Variants in ZNF385B observed in about 807,000 individuals in gnomAD.
ZNF385B encodes zinc finger protein 385B, also known as zinc finger protein 533.
ZNF385B carries 23 observed loss-of-function variants against 39.2 expected under a neutral mutation model. The observed-to-expected ratio is 0.59, with a 90% CI of 0.42 to 0.83. The LOEUF is 0.83. Ranked by LOEUF, ZNF385B falls within the 40% of genes least tolerant of loss-of-function variation. The pLI is 0.00. For synonymous variants in ZNF385B, 205 were observed against 222.6 expected, an observed-to-expected ratio of 0.92 and a Z score of 0.70; for missense variants, 552 against 598.9, an observed-to-expected ratio of 0.92 and a Z score of 0.82.
intron 5 of ZNF385B, among the ~76,000 whole-genome samples, chr2:179,508,511 C>A (rs572497886): frequency 1.1e-3 from 173 of 152,090 alleles, no homozygotes; most frequent in Non-Finnish European, 1.7e-3. Context: ...AAAATCCTTC[C>A]AGGAATCTTT....
intron 6 of ZNF385B, among the ~76,000 whole-genome samples, chr2:179,457,940 G>C (rs2050881490): frequency 6.6e-6 from 1 of 152,202 alleles, no homozygotes; most frequent in African/African-American, 2.4e-5. Flanking sequence ...ATAAATGATA[G>C]AGCATGGATT....
intron 5 of ZNF385B, among the ~76,000 whole-genome samples, chr2:179,490,891 C>T (rs981398553): frequency 3.9e-5 from 6 of 152,138 alleles, no homozygotes; most frequent in Non-Finnish European, 8.8e-5. Context: ...GAACACAAAT[C>T]TTTCCATTTG....
At chr2:179,785,952 T>A (rs1704970490) in intron 1 of ZNF385B, among the ~76,000 whole-genome samples, 1 of 152,142 alleles carries the variant, frequency 6.6e-6, no homozygotes, top group African/African-American at 2.4e-5. Context: ...AGAGAAATCT[T>A]TTGTGAAAGA....
intron 6 of ZNF385B, among the ~76,000 whole-genome samples, chr2:179,449,473 C>A (rs1265141634): frequency 2.6e-5 from 4 of 151,996 alleles, no homozygotes; most frequent in Non-Finnish European, 4.4e-5. Flanking sequence ...AAACAGAGAG[C>A]CAAATCATTA....
At chr2:179,573,024 T>C (rs1337150789) in intron 3 of ZNF385B, among the ~76,000 whole-genome samples, 3 of 152,230 alleles carry the variant, frequency 2.0e-5, no homozygotes, top group Non-Finnish European at 4.4e-5. Context: ...TTCCCAATTA[T>C]ATTTGATTTT....
intron 3 of ZNF385B, among the ~76,000 whole-genome samples, chr2:179,765,496 G>C (rs1347880354): frequency 3.9e-5 from 6 of 152,260 alleles, no homozygotes; most frequent in Middle Eastern, 3.4e-3. Flanking sequence ...CATCTGCTGA[G>C]GCATGTTTAT....
intron 3 of ZNF385B, among the ~76,000 whole-genome samples, chr2:179,717,002 C>A (rs1341626091): frequency 1.3e-5 from 2 of 152,138 alleles, no homozygotes; most frequent in Non-Finnish European, 2.9e-5. Context: ...TCTTGAATTA[C>A]CAACCCACAG....
At chr2:179,760,183 C>T (rs1703285165) in intron 3 of ZNF385B, among the ~76,000 whole-genome samples, 1 of 150,830 alleles carries the variant, frequency 6.6e-6, no homozygotes, top group Admixed American at 6.6e-5. Flanking sequence ...ATGTACAAAG[C>T]TTATTCAGAT....
chr2:179,483,904 A>C (rs1008403994), intron 5 of ZNF385B, among the ~76,000 whole-genome samples: 1 of 152,176 alleles, frequency 6.6e-6, no homozygotes, highest in African/African-American at 2.4e-5. Context: ...TGGTGTGATA[A>C]AACATGTTAA....
At chr2:179,562,006 T>G (rs1474626568) in intron 3 of ZNF385B, among the ~76,000 whole-genome samples, 1 of 152,198 alleles carries the variant, frequency 6.6e-6, no homozygotes, top group East Asian at 1.9e-4. Context: ...AATCAACAGC[T>G]TAAATATACT....
At chr2:179,734,685 C>A (rs1174503845) in intron 3 of ZNF385B, among the ~76,000 whole-genome samples, 2 of 151,928 alleles carry the variant, frequency 1.3e-5, no homozygotes, top group East Asian at 3.9e-4. Context: ...AGACATAGAC[C>A]CTATCCTCAA....
intron 3 of ZNF385B, among the ~76,000 whole-genome samples, chr2:179,738,553 G>A (rs1006737464): frequency 6.6e-6 from 1 of 152,062 alleles, no homozygotes; most frequent in East Asian, 1.9e-4. Flanking sequence ...TTCCTACATC[G>A]TTTTTCACTA....
At chr2:179,448,360 A>G (rs1356623226) in intron 6 of ZNF385B, among the ~76,000 whole-genome samples, 1 of 152,134 alleles carries the variant, frequency 6.6e-6, no homozygotes, top group Non-Finnish European at 1.5e-5. Flanking sequence ...AAAATAATTC[A>G]GTAATCTTAA....
intron 6 of ZNF385B, among the ~76,000 whole-genome samples, chr2:179,455,850 C>T (rs1259683482): frequency 2.7e-5 from 4 of 146,082 alleles, no homozygotes; most frequent in African/African-American, 2.5e-5. Flanking sequence ...CAAGATTGTG[C>T]CACTGGGAGA....
chr2:179,617,951 T>C (rs538353975), intron 3 of ZNF385B, among the ~76,000 whole-genome samples: 2 of 152,284 alleles, frequency 1.3e-5, no homozygotes, highest in Middle Eastern at 3.4e-3. Context: ...GCTAGGAGCC[T>C]TCTAATCACA....
chr2:179,465,186 C>T (rs1356178479), intron 6 of ZNF385B, among the ~76,000 whole-genome samples: 1 of 152,124 alleles, frequency 6.6e-6, no homozygotes, highest in East Asian at 1.9e-4. Flanking sequence ...GACTGGTTCT[C>T]CTTTAGCTTC....
At chr2:179,722,256 C>T (rs1025116533) in intron 3 of ZNF385B, among the ~76,000 whole-genome samples, 6 of 152,186 alleles carry the variant, frequency 3.9e-5, no homozygotes, top group African/African-American at 7.2e-5. Context: ...AAAGACTCAA[C>T]ATTTGCATGG....
At chr2:179,846,411 G>A (rs1262085304) in intron 1 of ZNF385B, among the ~76,000 whole-genome samples, 1 of 152,194 alleles carries the variant, frequency 6.6e-6, no homozygotes. Flanking sequence ...TGTTAGAAAC[G>A]GGGTTGCCCA....
intron 6 of ZNF385B, among the ~76,000 whole-genome samples, chr2:179,458,042 C>G (rs1276372855): frequency 6.6e-6 from 1 of 152,162 alleles, no homozygotes; most frequent in Non-Finnish European, 1.5e-5. Context: ...TTTAGAAATA[C>G]CTTCTTGAAT....
Sources: allele counts gnomAD v4.1 joint callset (sites outside exome capture counted in the v4.1 genomes callset), GRCh38; gene constraint gnomAD v4.1.1; transcripts MANE v1.5; gene names NCBI Gene and HGNC (gene_info 2026-07-23, HGNC 2026-07-21).